Variants in ANKS1B observed in about 807,000 individuals in gnomAD.
ANKS1B encodes ankyrin repeat and sterile alpha motif domain-containing protein 1B.
Under a neutral mutation model 148.3 loss-of-function variants are expected in ANKS1B, and 36 were observed. The ratio of observed to expected loss-of-function variants is 0.24; its 90% CI spans 0.19 to 0.32. ANKS1B has a LOEUF of 0.32. Among genes scored for constraint, ANKS1B ranks in the 10% least tolerant of loss-of-function variants. The probability of loss-of-function intolerance (pLI) is 1.00; values close to 1 mark genes in which losing one functional copy is unlikely to be tolerated. For missense variants in ANKS1B, 1,157 were observed against 1,542.6 expected (o/e 0.75, Z 4.19); for synonymous variants, 542 against 560.8 (o/e 0.97, Z 0.47).
chr12:99,306,212 T>C (rs1181076301), intron 12 of ANKS1B, among the ~76,000 whole-genome samples: 1 of 152,134 alleles, frequency 6.6e-6, no homozygotes, highest in Non-Finnish European at 1.5e-5. Context: ...AAATGTTCAC[T>C]GTTATTGTTT....
intron 1 of ANKS1B, among the ~76,000 whole-genome samples, chr12:99,875,627 T>C (rs965695253): frequency 1.3e-5 from 2 of 152,222 alleles, no homozygotes; most frequent in African/African-American, 4.8e-5. Flanking sequence ...TGATATTACA[T>C]AATAGCTGAC....
At chr12:99,037,580 G>T (rs1335263223) in intron 17 of ANKS1B, among the ~76,000 whole-genome samples, 1 of 152,132 alleles carries the variant, frequency 6.6e-6, no homozygotes, top group African/African-American at 2.4e-5. Flanking sequence ...ATGGCACACA[G>T]GCAGATGATT....
intron 9 of ANKS1B, among the ~76,000 whole-genome samples, chr12:99,603,907 C>A (rs2097827475): frequency 1.3e-5 from 2 of 152,046 alleles, no homozygotes; most frequent in Admixed American, 1.3e-4. Flanking sequence ...ATTAAGTCAT[C>A]TGTTTATTCA....
intron 15 of ANKS1B, among the ~76,000 whole-genome samples, chr12:99,132,867 T>A (rs2153752782): frequency 6.6e-6 from 1 of 152,202 alleles, no homozygotes; most frequent in African/African-American, 2.4e-5. Flanking sequence ...AAGGTAGGAA[T>A]TTTTCTTTTA....
At chr12:99,016,604 C>T (rs570590559) in intron 17 of ANKS1B, among the ~76,000 whole-genome samples, 41 of 152,058 alleles carry the variant, frequency 2.7e-4, no homozygotes, top group African/African-American at 8.0e-4. Context: ...TGCAGTGAGC[C>T]GAGATCATGC....
At chr12:99,546,661 C>A (rs374379003) in intron 9 of ANKS1B, among the ~76,000 whole-genome samples, 7 of 152,236 alleles carry the variant, frequency 4.6e-5, no homozygotes, top group African/African-American at 1.7e-4. Flanking sequence ...GAAGGCTAGA[C>A]CACCCTCTGA....
At chr12:99,149,989 A>G (rs909737683) in intron 15 of ANKS1B, among the ~76,000 whole-genome samples, 2 of 152,152 alleles carry the variant, frequency 1.3e-5, no homozygotes, top group Non-Finnish European at 2.9e-5. Context: ...TCTGAGGGAA[A>G]TACTGTACTC....
intron 25 of ANKS1B, among the ~76,000 whole-genome samples, chr12:98,758,781 T>C (rs1207238591): frequency 4.0e-5 from 2 of 49,566 alleles, no homozygotes; most frequent in African/African-American, 1.0e-4. Flanking sequence ...TTTTCCTTCC[T>C]TTTTTTTTTT....
intron 12 of ANKS1B, among the ~76,000 whole-genome samples, chr12:99,396,295 A>G (rs1259336938): frequency 6.6e-6 from 1 of 152,176 alleles, no homozygotes; most frequent in Non-Finnish European, 1.5e-5. Flanking sequence ...CATTCTCTTT[A>G]TATACCCAGT....
intron 17 of ANKS1B, among the ~76,000 whole-genome samples, chr12:98,945,570 C>T (rs988412171): frequency 2.1e-5 from 3 of 141,198 alleles, no homozygotes; most frequent in Non-Finnish European, 3.0e-5. Context: ...ACAGAACTAG[C>T]AGCATTTCAT....
chr12:99,090,795 G>A (rs1367850546), intron 15 of ANKS1B, among the ~76,000 whole-genome samples: 1 of 152,068 alleles, frequency 6.6e-6, no homozygotes, highest in Non-Finnish European at 1.5e-5. Context: ...AATGGTTATT[G>A]TGCTAAATAC....
intron 9 of ANKS1B, among the ~76,000 whole-genome samples, chr12:99,530,153 T>C (rs1283305331): frequency 2.0e-5 from 3 of 152,158 alleles, no homozygotes; most frequent in African/African-American, 7.2e-5. Context: ...GTCAGAACTG[T>C]CCTAGTGACC....
chr12:99,649,345 A>G (rs772704570), intron 9 of ANKS1B: 1 of 1,614,200 alleles, frequency 6.2e-7, no homozygotes, highest in Admixed American at 1.7e-5. Context: ...TAGACTTCAC[A>G]TGAATGCTGA....
At chr12:99,514,814 T>A (rs943957226) in intron 9 of ANKS1B, among the ~76,000 whole-genome samples, 2 of 152,014 alleles carry the variant, frequency 1.3e-5, no homozygotes, top group Non-Finnish European at 2.9e-5. Flanking sequence ...CTGGGAAACG[T>A]TGACCTCAAT....
At chr12:99,240,394 A>C (rs1205760992) in intron 14 of ANKS1B, among the ~76,000 whole-genome samples, 1 of 152,260 alleles carries the variant, frequency 6.6e-6, no homozygotes, top group East Asian at 1.9e-4. Context: ...CCAATACAGG[A>C]GTAACCAGAA....
chr12:99,648,591 C>A, intron 9 of ANKS1B: 1 of 1,614,194 alleles, frequency 6.2e-7, no homozygotes, highest in Admixed American at 1.7e-5. Context: ...AACAGCTCCA[C>A]CTGAAGCTTG....
intron 8 of ANKS1B, among the ~76,000 whole-genome samples, chr12:99,703,089 C>G (rs377368450): frequency 6.6e-6 from 1 of 152,102 alleles, no homozygotes; most frequent in Admixed American, 6.6e-5. Flanking sequence ...AACCATCAAA[C>G]ATCTAAGTTT....
At chr12:99,937,526 C>T (rs2094809288) in intron 1 of ANKS1B, among the ~76,000 whole-genome samples, 1 of 152,076 alleles carries the variant, frequency 6.6e-6, no homozygotes, top group African/African-American at 2.4e-5. Flanking sequence ...GATAATTTTG[C>T]CTGCTGATTG....
At chr12:98,895,763 T>A (rs200782) in intron 17 of ANKS1B, among the ~76,000 whole-genome samples, 23,135 of 152,216 alleles carry the variant, frequency 0.15, 2,116 homozygotes, top group Non-Finnish European at 0.21. Context: ...CCAACAGTTG[T>A]GGAAATTTAC....
Sources: gnomAD v4.1 joint callset for allele counts (sites outside exome capture counted in the v4.1 genomes callset) on GRCh38, gnomAD v4.1.1 for gene constraint, MANE v1.5 for transcripts, NCBI Gene and HGNC (gene_info 2026-07-23, HGNC 2026-07-21) for gene names.